The following MBNL2 variants were observed in gnomAD, a reference collection of about 807,000 sequenced individuals.
The protein encoded by MBNL2 is muscleblind-like protein 2.
Under a neutral mutation model 41.9 loss-of-function variants are expected in MBNL2, and 17 were observed. The observed-to-expected ratio is 0.41, with a 90% confidence interval of 0.28 to 0.61. MBNL2 has a LOEUF of 0.61. Ranked by LOEUF, MBNL2 falls within the 20% of genes least tolerant of loss-of-function variation. The probability of loss-of-function intolerance (pLI) is 0.35; values close to 1 mark genes in which losing one functional copy is unlikely to be tolerated. For missense variants in MBNL2, 336 were observed against 505.6 expected (o/e 0.66, Z 3.22); for synonymous variants, 195 against 182.9 (o/e 1.07, Z -0.53).
intron 2 of MBNL2, among the ~76,000 whole-genome samples, chr13:97,323,688 G>A (rs2059686773): frequency 6.6e-6 from 1 of 152,104 alleles, no homozygotes; most frequent in Non-Finnish European, 1.5e-5. Context: ...GTCATGTGAT[G>A]GTGTTTATAA....
At chr13:97,321,165 G>A (rs1414415522) in intron 2 of MBNL2, among the ~76,000 whole-genome samples, 1 of 152,114 alleles carries the variant, frequency 6.6e-6, no homozygotes, top group Non-Finnish European at 1.5e-5. Flanking sequence ...TGGTCAACCA[G>A]GGCACTCTGG....
rs953475446 is a variant in MBNL2 at position 97,290,517 on chromosome 13, A to T, written c.174+14108A>T. Among the ~76,000 whole-genome samples, 3 of 152,026 alleles carry T rather than the reference A, an allele frequency of 2.0e-5. No individual in the cohort carries two copies. In the South Asian group the frequency reaches 6.2e-4, roughly 32 times the overall value. ...AGGTGAAACCCCGTCTCTACTAAAA[A>T]TACAAAAAATTAGCCGGGCGCGGTG... On this transcript the variant is annotated intron_variant, in intron 2 of 8. Transcript: ENST00000679496.
At chr13:97,189,750 C>T in the MBNL2 span, among the ~76,000 whole-genome samples, 2 of 152,178 alleles carry the variant, frequency 1.3e-5, no homozygotes, top group Non-Finnish European at 2.9e-5. Context: ...ATCTATCACC[C>T]TATGTACAGA....
At position 97,269,821 on chromosome 13, in the gene MBNL2, C is replaced by A. The variant is rs552759645; in HGVS notation, c.-604-5811C>A. ...ATTGATCTCTAGGCACCTCCCTGCTCTCAGACTCTGTGGCTGGAGCAGATC... is the reference window on the plus strand; with the variant it reads ...ATTGATCTCTAGGCACCTCCCTGCTATCAGACTCTGTGGCTGGAGCAGATC... On this transcript the variant is annotated intron_variant, in intron 1 of 8. Transcript: ENST00000679496. 4.3e-5 allele frequency among the ~76,000 whole-genome samples: 5 copies of A among 116,618 alleles called. No individual in the cohort carries two copies. In the South Asian group the frequency reaches 1.4e-3, roughly 32 times the overall value. 76.5% of individuals were successfully genotyped at this position (116,618 alleles called of 152,430 possible).
chr13:97,291,622 C>T (rs557444541), intron 2 of MBNL2, among the ~76,000 whole-genome samples: 9 of 152,162 alleles, frequency 5.9e-5, no homozygotes, highest in South Asian at 4.2e-4. Flanking sequence ...GGGTCGGGCG[C>T]GGTGGCTCAC....
chr13:97,257,036 A>C (rs1240347270), intron 1 of MBNL2, among the ~76,000 whole-genome samples: 1 of 152,238 alleles, frequency 6.6e-6, no homozygotes, highest in Non-Finnish European at 1.5e-5. Flanking sequence ...GGAAAGCATT[A>C]CTGCATGGCC....
At chr13:97,191,120 C>T in the MBNL2 span, among the ~76,000 whole-genome samples, 1 of 151,798 alleles carries the variant, frequency 6.6e-6, no homozygotes, top group East Asian at 1.9e-4. Flanking sequence ...TCACCAGCAC[C>T]CTATGTAGAA....
chr13:97,164,045 C>T, the MBNL2 span, among the ~76,000 whole-genome samples: 1 of 152,176 alleles, frequency 6.6e-6, no homozygotes, highest in Non-Finnish European at 1.5e-5. Flanking sequence ...CTCGCTCTGT[C>T]ACCCAGGCTG....
chr13:97,232,851 A>ATG (rs34769353), intron 1 of MBNL2, among the ~76,000 whole-genome samples: 8,881 of 130,460 alleles, frequency 0.068, 540 homozygotes, highest in African/African-American at 0.16. Flanking sequence ...TCTTGACGCT[A>ATG]TGTGTGTGTG....
At chr13:97,220,306 A>C (rs368299966), upstream of MBNL2, among the ~76,000 whole-genome samples, 1 of 152,214 alleles carries the variant, frequency 6.6e-6, no homozygotes. Flanking sequence ...ACTACAGAAG[A>C]CTACATTGTT....
chr13:97,214,621 C>G, the MBNL2 span, among the ~76,000 whole-genome samples: 1 of 152,144 alleles, frequency 6.6e-6, no homozygotes, highest in East Asian at 1.9e-4. Flanking sequence ...ACAGAAAAAT[C>G]TTACTTTCAA....
chr13:97,154,792 AGGATGGATGGATGGAT>A, the MBNL2 span, among the ~76,000 whole-genome samples: 60 of 146,288 alleles, frequency 4.1e-4, no homozygotes, highest in African/African-American at 9.1e-4. Context: ...AAATGGTATA[AGGATGGATGGATGGAT>A]GGATGGATGG....
the MBNL2 span, among the ~76,000 whole-genome samples, chr13:97,203,534 T>A: frequency 6.6e-6 from 1 of 152,120 alleles, no homozygotes; most frequent in African/African-American, 2.4e-5. Context: ...TTCCTCTACC[T>A]CAAAAGCTGC....
chr13:97,300,756 A>G (rs545854400), intron 2 of MBNL2, among the ~76,000 whole-genome samples: 1 of 152,332 alleles, frequency 6.6e-6, no homozygotes, highest in South Asian at 2.1e-4. Flanking sequence ...TGGGTGCTCA[A>G]TCCCTACTGG....
At chr13:97,340,265 C>T (rs1194055763) in intron 3 of MBNL2, among the ~76,000 whole-genome samples, 1 of 152,216 alleles carries the variant, frequency 6.6e-6, no homozygotes, top group Non-Finnish European at 1.5e-5. Flanking sequence ...GAAAAACATG[C>T]TACATCAAAA....
intron 2 of MBNL2, among the ~76,000 whole-genome samples, chr13:97,326,987 C>G (rs1329596979): frequency 6.6e-6 from 1 of 152,182 alleles, no homozygotes; most frequent in Non-Finnish European, 1.5e-5. Context: ...TCGGCTCACC[C>G]ACTCTAACCA....
the MBNL2 span, among the ~76,000 whole-genome samples, chr13:97,151,134 T>C: frequency 6.6e-6 from 1 of 152,184 alleles, no homozygotes; most frequent in Non-Finnish European, 1.5e-5. Flanking sequence ...GTCACTGCCT[T>C]GGCAGATCCC....
Position 97,366,408 on chromosome 13 carries a change from C to G in MBNL2, c.1048+1237C>G. ...CATGCCAAAATACCACTTCTATTAC[C>G]ATAATGCTACACCCTCCTGTTCATT... On this transcript the variant is annotated intron_variant, in intron 8 of 8. Coordinates refer to ENST00000679496, the MANE Select transcript of MBNL2 (RefSeq NM_001382683.1). This position sits in a 1 kb window ranked among gnomAD's most constrained non-coding sequence, Gnocchi z 4.7. 1 of 870,624 alleles carries G rather than the reference C, an allele frequency of 1.1e-6. No individual in the cohort carries two copies. The highest frequency in any genetic ancestry group is 1.9e-6 in the Non-Finnish European group (1 of 516,890). The allele number at this position is 870,624 out of a possible 1,614,324, so 53.9% of individuals were successfully genotyped here. A position where few individuals can be genotyped will look rare whatever the true frequency, so the allele number is the denominator to read the frequency against.
At chr13:97,218,861 G>A (rs1382950160), upstream of MBNL2, among the ~76,000 whole-genome samples, 2 of 151,118 alleles carry the variant, frequency 1.3e-5, no homozygotes, top group Admixed American at 6.6e-5. Flanking sequence ...CATGTGTTAC[G>A]GAGCGCCTCC....
Sources: gnomAD v4.1 joint callset for allele counts (sites outside exome capture counted in the v4.1 genomes callset) on GRCh38, gnomAD v4.1.1 for gene constraint, Gnocchi (gnomAD v3.1) non-coding constraint, MANE v1.5 for transcripts, NCBI Gene and HGNC (gene_info 2026-07-23, HGNC 2026-07-21) for gene names.